The following CEP170B variants were observed in gnomAD, a reference collection of about 807,000 sequenced individuals.
CEP170B encodes the protein centrosomal protein of 170 kDa protein B.
In CEP170B, 55 loss-of-function variants were observed where a neutral mutation model predicts 120.6. That is an observed-to-expected ratio of 0.46 (90% CI 0.37 to 0.57). CEP170B has a LOEUF of 0.57. Ranked by LOEUF, CEP170B falls within the 20% of genes least tolerant of loss-of-function variation. The pLI is 0.00. For synonymous variants in CEP170B, 1,033 were observed against 954.5 expected (o/e 1.08, Z -1.52); for missense variants, 2,212 against 2,253.3 (o/e 0.98, Z 0.37).
At chr14:104,872,236 T>G (rs1895543472) in intron 2 of CEP170B, among the ~76,000 whole-genome samples, 1 of 127,460 alleles carries the variant, frequency 7.8e-6, no homozygotes, top group Non-Finnish European at 1.6e-5. Flanking sequence ...GTGCCGTGCG[T>G]GTGTGCGTGT....
chr14:104,872,275 CCGT>C (rs1895551692), intron 2 of CEP170B, among the ~76,000 whole-genome samples: 2 of 77,592 alleles, frequency 2.6e-5, no homozygotes, highest in South Asian at 4.8e-4. Context: ...TGTGGGTGTG[CCGT>C]GTGTGTGCCG....
At chr14:104,882,002 G>T (rs1333228870) in intron 6 of CEP170B, among the ~76,000 whole-genome samples, 1 of 152,116 alleles carries the variant, frequency 6.6e-6, no homozygotes, top group Admixed American at 6.5e-5. Context: ...CTGGGCTTCC[G>T]CAAGGATGGA....
chr14:104,878,121 C>T (rs1399243122), intron 4 of CEP170B, among the ~76,000 whole-genome samples, 158 bp downstream of exon 4: 1 of 151,886 alleles, frequency 6.6e-6, no homozygotes, highest in African/African-American at 2.4e-5. Context: ...GCTGATGGAG[C>T]ACCCCAAGGA....
Position 104,865,696 on chromosome 14 carries a change from C to T in CEP170B, c.-28+183C>T, listed in dbSNP as rs1895167173. On this transcript the variant is annotated intron_variant, in intron 1 of 18. Transcript: ENST00000414716. The surrounding 1 kb of genome is among the most constrained non-coding windows in gnomAD (Gnocchi z 6.7). Reference sequence around the variant, plus strand: ...CCGCCGCGGAGGCGGCCCTGGTCTGCGCCAGGCCGGGAGGAGCCGCCCCGT... The same window carrying T: ...CCGCCGCGGAGGCGGCCCTGGTCTGTGCCAGGCCGGGAGGAGCCGCCCCGT... Among the ~76,000 whole-genome samples, 1 of 151,768 alleles carries T rather than the reference C, an allele frequency of 6.6e-6. No individual in the cohort carries two copies. Among genetic ancestry groups the T allele is most frequent in the South Asian group, 2.1e-4 (1 of 4,824 alleles).
rs1303806216 is a variant in CEP170B, at chr14:104,887,425, C to T, written c.3186C>T (p.Ala1062=). The T allele has an allele frequency of 1.9e-6, 3 of 1,611,576 alleles. No homozygotes were observed. Among genetic ancestry groups the T allele is most frequent in the East Asian group, 4.5e-5 (2 of 44,876 alleles). ...LAHLPSSDVM[A]SNHETPEATG... is the part of the protein sequence containing the mutation. ...ACCTACCCAGCTCAGATGTGATGGCCTCCAACCACGAAACCCCTGAGGCCA... is the reference window on the plus strand; with the variant it reads ...ACCTACCCAGCTCAGATGTGATGGCTTCCAACCACGAAACCCCTGAGGCCA... Residue 1062 remains alanine, a synonymous_variant, in exon 12 of 19, where the codon GCC becomes GCT. Coordinates refer to ENST00000414716, the MANE Select transcript of CEP170B (RefSeq NM_001112726.3).
rs772552460 is a variant in CEP170B at position 104,870,882 on chromosome 14, G to C, written c.105+2327G>C. On this transcript the variant is annotated intron_variant, in intron 2 of 18. Coordinates refer to ENST00000414716, the MANE Select transcript of CEP170B (RefSeq NM_001112726.3). This position sits in a 1 kb window ranked among gnomAD's most constrained non-coding sequence, Gnocchi z 4.1. ...GGGAGGCCTTGCAGGTGTGGCGAGT[G>C]TGGGAAGGCTGTCTGCCTCCCGGTG... 3.3e-5 allele frequency among the ~76,000 whole-genome samples: 5 copies of C among 152,060 alleles called. No individual in the cohort carries two copies. The highest frequency in any genetic ancestry group is 3.3e-4 in the Admixed American group (5 of 15,266).
At position 104,883,908 on chromosome 14, in the gene CEP170B, T is replaced by C. The variant is rs1896303449; in HGVS notation, c.1129T>C (p.Leu377=). Residue 377 remains leucine, a synonymous_variant, in exon 9 of 19, where the codon TTG becomes CTG. Coordinates refer to ENST00000414716, the MANE Select transcript of CEP170B (RefSeq NM_001112726.3). ...AKAASAAGVP[L]EASGEQVRLQ... ...GGCGGCCTCGGCCGCTGGGGTGCCC[T>C]TGGAGGCCAGCGGGGAGCAGGTGCG... The C allele has an allele frequency of 6.3e-7, 1 of 1,593,252 alleles. No individual in the cohort carries two copies. The highest frequency in any genetic ancestry group is 8.5e-7 in the Non-Finnish European group (1 of 1,170,398).
rs540741393 is a variant in CEP170B, at chr14:104,887,382, G to A, written c.3143G>A (p.Arg1048His). The A allele has an allele frequency of 3.7e-5, 59 of 1,612,142 alleles. No homozygotes were observed. The highest frequency in any genetic ancestry group is 1.1e-4 in the South Asian group (10 of 91,040). ...TCCCTGGATTGGCCCAGTGAGGAGC[G>A]TGGCCCTGTCCTCGCCCACCTACCC... ...RGSLDWPSEERGPVLAHLPSS... is the reference protein window; with the variant it reads ...RGSLDWPSEEHGPVLAHLPSS... Residue 1048 changes from arginine (R) to histidine (H), a missense_variant, in exon 12 of 19, where the codon CGT (arginine) becomes CAT (histidine). Transcript: ENST00000414716.
At position 104,884,131 on chromosome 14, in the gene CEP170B, C is replaced by T. The variant is rs1416502524; in HGVS notation, c.1352C>T (p.Pro451Leu). 1.3e-6 allele frequency: 2 copies of T among 1,563,752 alleles called. No homozygotes were observed. The highest frequency in any genetic ancestry group is 3.3e-4 in the Middle Eastern group (2 of 6,000). Residue 451 changes from proline (P) to leucine (L), a missense_variant, in exon 9 of 19, where the codon CCA becomes CTA. Pro to Leu is a moderately conservative substitution (Grantham distance 98). Transcript: ENST00000414716. ...ADRDRPSVPA[P>L]VQAGGRSSGP... Reference sequence around the variant, plus strand: ...AGGGACCGCCCCAGTGTCCCAGCCCCAGTCCAGGCAGGGGGCCGCAGCTCG... The same window carrying T: ...AGGGACCGCCCCAGTGTCCCAGCCCTAGTCCAGGCAGGGGGCCGCAGCTCG...
At chr14:104,879,319 G>T (rs2140669230) in intron 5 of CEP170B, among the ~76,000 whole-genome samples, 1 of 152,178 alleles carries the variant, frequency 6.6e-6, no homozygotes, top group African/African-American at 2.4e-5. Flanking sequence ...CTCTGAAGCT[G>T]AGGTGCTTTG....
In CEP170B at chr14:104,887,341, C is replaced by T. The variant is rs777947088; in HGVS notation, c.3102C>T (p.Gly1034=). Residue 1034 remains glycine, a synonymous_variant, in exon 12 of 19, where the codon GGC becomes GGT. Transcript: ENST00000414716. The part of the protein sequence containing the change: ...EPVRRSAIRR[G]HRPRGSLDWP... ...TACGGCGCTCAGCCATAAGGCGTGG[C>T]CACAGGCCCCGAGGGTCCCTGGATT... The T allele has an allele frequency of 2.3e-5, 37 of 1,611,230 alleles. No individual in the cohort carries two copies. In the South Asian group the frequency reaches 3.5e-4, roughly 15 times the overall value.
intron 5 of CEP170B, among the ~76,000 whole-genome samples, chr14:104,878,787 G>A (rs572548629): frequency 6.6e-6 from 1 of 152,066 alleles, no homozygotes; most frequent in African/African-American, 2.4e-5. Flanking sequence ...CGGGCTCTGG[G>A]AGGGGCCTGG....
chr14:104,887,302 C>T lies in CEP170B; in HGVS notation c.3063C>T (p.Gly1021=), dbSNP rs1368194179. 1.9e-6 allele frequency: 3 copies of T among 1,609,796 alleles called. No individual in the cohort carries two copies. The highest frequency in any genetic ancestry group is 1.3e-5 in the African/African-American group (1 of 75,028). The change falls in exon 12 of 19, where the codon GGC becomes GGT. Residue 1021 remains glycine, a synonymous_variant. Transcript: ENST00000414716. ...QHHPLGPTDM[G]RGEPVRRSAI... ...ACCCACTTGGCCCGACGGACATGGG[C>T]CGTGGAGAGCCGGTACGGCGCTCAG... is the stretch of plus-strand genomic sequence containing the variant.
rs1252896098 is a variant in CEP170B at position 104,885,328 on chromosome 14, T to G, written c.1771-41T>G. ...GTCAGTGGAGGGTTGGGAGGTGGGCTTCTCTGACCCTCGGTGCCTGGGACC... is the reference window on the plus strand; with the variant it reads ...GTCAGTGGAGGGTTGGGAGGTGGGCGTCTCTGACCCTCGGTGCCTGGGACC... On this transcript the variant is annotated intron_variant, in intron 9 of 18. Coordinates refer to ENST00000414716, the MANE Select transcript of CEP170B (RefSeq NM_001112726.3). 4.0e-6 allele frequency: 6 copies of G among 1,506,506 alleles called. No individual in the cohort carries two copies. In the East Asian group the frequency reaches 1.3e-4, roughly 31 times the overall value. 93.3% of individuals were successfully genotyped at this position (1,506,506 alleles called of 1,614,324 possible). A position where few individuals can be genotyped will look rare whatever the true frequency, so the allele number is the denominator to read the frequency against.
chr14:104,895,058 A>T lies in CEP170B; in HGVS notation c.*100A>T, dbSNP rs1355674601. 3 of 1,334,078 alleles carry T rather than the reference A, an allele frequency of 2.2e-6. No homozygotes were observed. In the African/African-American group the frequency reaches 4.5e-5, roughly 20 times the overall value. The allele number at this position is 1,334,078 out of a possible 1,614,324, so 82.6% of individuals were successfully genotyped here. Reference sequence around the variant, plus strand: ...TGGCCGCAGGTGGTTCTCCCTGAAGACCCCCACATGTGCCATATCCCTGTG... The same window carrying T: ...TGGCCGCAGGTGGTTCTCCCTGAAGTCCCCCACATGTGCCATATCCCTGTG... On this transcript the variant is annotated 3_prime_UTR_variant, in exon 19 of 19. Transcript: ENST00000414716.
intron 13 of CEP170B, among the ~76,000 whole-genome samples, chr14:104,892,239 G>T (rs1185119117): frequency 6.6e-6 from 1 of 152,184 alleles, no homozygotes; most frequent in Non-Finnish European, 1.5e-5. Flanking sequence ...ACGAGGCTGT[G>T]CGCTCCAGCA....
Position 104,884,277 on chromosome 14 carries a change from G to A in CEP170B, c.1498G>A (p.Ala500Thr). 6.5e-7 allele frequency: 1 copy of A among 1,544,402 alleles called. No homozygotes were observed. Among genetic ancestry groups the A allele is most frequent in the Non-Finnish European group, 8.7e-7 (1 of 1,145,776 alleles). ...AAGCGTGGGGCGCCGCTCCCGCCTG[G>A]CCCAGGACTTCATGGCCCAGTGTCT... ...FGSVGRRSRLAQDFMAQCLRE... is the reference protein window; with the variant it reads ...FGSVGRRSRLTQDFMAQCLRE... Residue 500 changes from alanine to threonine, a missense_variant, in exon 9 of 19, where the codon GCC becomes ACC. Transcript: ENST00000414716.
At position 104,883,489 on chromosome 14, in the gene CEP170B, C is replaced by A; in HGVS notation, c.1032C>A (p.Val344=). ...ACAGCACCAAGAGCGACCTGCCTGTCCACACCCGCACCCTGAAGGGTGAGT... is the reference window on the plus strand; with the variant it reads ...ACAGCACCAAGAGCGACCTGCCTGTACACACCCGCACCCTGAAGGGTGAGT... ...DRHSTKSDLP[V]HTRTLKGHKH... Residue 344 remains valine (V), a synonymous_variant, in exon 8 of 19, where the codon GTC becomes GTA. Coordinates refer to ENST00000414716, the MANE Select transcript of CEP170B (RefSeq NM_001112726.3). The A allele has an allele frequency of 6.5e-7, 1 of 1,550,366 alleles. No homozygotes were observed. Among genetic ancestry groups the A allele is most frequent in the Non-Finnish European group, 8.7e-7 (1 of 1,146,934 alleles).
chr14:104,868,500 G>T lies in CEP170B; in HGVS notation c.50G>T (p.Arg17Leu). 1 of 1,549,582 alleles carries T rather than the reference G, an allele frequency of 6.5e-7. No homozygotes were observed. The change falls in exon 2 of 19, where the codon CGG becomes CTG. Residue 17 changes from arginine (R) to leucine (L), a missense_variant. Around this residue, in one of 2 missense-constraint regions of CEP170B, gnomAD observed 46 missense variants for 86.6 expected, o/e 0.53. Coordinates refer to ENST00000414716, the MANE Select transcript of CEP170B (RefSeq NM_001112726.3). This position sits in a 1 kb window ranked among gnomAD's most constrained non-coding sequence, Gnocchi z 5.9. ...GTGAGCAGCAGCGGCGCCCGCCACC[G>T]GCTCCCTCGGGAGCTCATCTTCGTG... ...FLVSSSGARH[R>L]LPRELIFVGR...
Sources: allele counts gnomAD v4.1 joint callset (sites outside exome capture counted in the v4.1 genomes callset), GRCh38; gene constraint gnomAD v4.1.1; regional missense constraint gnomAD v4.1.1; non-coding constraint Gnocchi (gnomAD v3.1); transcripts MANE v1.5; gene names NCBI Gene and HGNC (gene_info 2026-07-23, HGNC 2026-07-21).